The following DNAH7 variants were observed in gnomAD, a reference collection of about 807,000 sequenced individuals.
DNAH7 encodes the protein axonemal beta dynein heavy chain 7.
Under a neutral mutation model 444.6 loss-of-function variants are expected in DNAH7, and 397 were observed. The ratio of observed to expected loss-of-function variants is 0.89; its 90% confidence interval spans 0.82 to 0.97. DNAH7 has a LOEUF of 0.97. Among genes scored for constraint, DNAH7 ranks in the 50% least tolerant of loss-of-function variants. DNAH7 has a pLI of 0.00. For missense variants in DNAH7, 4,902 were observed against 4,800.8 expected, an observed-to-expected ratio of 1.02 and a Z score of -0.62; for synonymous variants, 1,636 against 1,624.4, an observed-to-expected ratio of 1.01 and a Z score of -0.17.
chr2:195,976,841 G>T lies in DNAH7; in HGVS notation c.1834-4375C>A, dbSNP rs117070880. ...GGAAGAGAATAAGAGTCTCTGCCTG[G>T]TAATCAAGACAAGTCTTCCAGATTA... On this transcript the variant is annotated intron_variant, in intron 15 of 64. Coordinates refer to ENST00000312428, the MANE Select transcript of DNAH7 (RefSeq NM_018897.3). Among the ~76,000 whole-genome samples, 120 of 148,694 alleles carry T rather than the reference G, an allele frequency of 8.1e-4. 11 individuals carry two copies. The East Asian group carries it at 0.024, about 30-fold the overall frequency.
intron 57 of DNAH7, among the ~76,000 whole-genome samples, chr2:195,789,502 T>G (rs1339227361): frequency 1.3e-5 from 2 of 151,928 alleles, no homozygotes; most frequent in African/African-American, 4.8e-5. Context: ...TAATTCTGGG[T>G]TGGGGCTGGA....
At chr2:196,019,827 T>A (rs1199931929) in intron 8 of DNAH7, among the ~76,000 whole-genome samples, 1 of 152,238 alleles carries the variant, frequency 6.6e-6, no homozygotes, top group Non-Finnish European at 1.5e-5. Context: ...AAGACACATT[T>A]ACAGTTAACC....
intron 64 of DNAH7, among the ~76,000 whole-genome samples, 143 bp downstream of exon 64, chr2:195,740,613 GTGTATATATA>G (rs375969081): frequency 0.051 from 3,568 of 69,968 alleles, 77 homozygotes; most frequent in South Asian, 0.13. Context: ...GTGTGTGTGT[GTGTATATATA>G]TATATATATA....
chr2:195,910,632 G>T (rs370853664), intron 24 of DNAH7, among the ~76,000 whole-genome samples: 1 of 152,088 alleles, frequency 6.6e-6, no homozygotes, highest in Non-Finnish European at 1.5e-5. Context: ...AGATTGTTTC[G>T]GGATCAGTAT....
At chr2:195,840,305 A>G (rs2124987293) in intron 47 of DNAH7, among the ~76,000 whole-genome samples, 1 of 151,836 alleles carries the variant, frequency 6.6e-6, no homozygotes, top group South Asian at 2.1e-4. Flanking sequence ...AAAATTTAAC[A>G]TCCATTAATG....
chr2:195,876,785 C>T, intron 36 of DNAH7, 86 bp from the exon 37 acceptor site: 1 of 917,058 alleles, frequency 1.1e-6, no homozygotes, highest in Non-Finnish European at 1.6e-6. Context: ...TACTGATAGA[C>T]TCGAATTTAA....
intron 5 of DNAH7, among the ~76,000 whole-genome samples, chr2:196,046,894 T>C (rs1285575217): frequency 6.6e-6 from 1 of 152,186 alleles, no homozygotes; most frequent in Non-Finnish European, 1.5e-5. Context: ...AGCTGGTGAC[T>C]TGCATCTGCC....
chr2:195,828,610 ATTTT>A lies in DNAH7; in HGVS notation c.9101-4169_9101-4166del, dbSNP rs35765183. On this transcript the variant is annotated intron_variant, in intron 48 of 64. Coordinates refer to ENST00000312428, the MANE Select transcript of DNAH7 (RefSeq NM_018897.3). Reference sequence around the variant, plus strand: ...AAAAATAACATATATATATATATATATTTTTTTTTTTTTTTTCTATTGCATATTT... The same window carrying A: ...AAAAATAACATATATATATATATATATTTTTTTTTTTTCTATTGCATATTT... Among the ~76,000 whole-genome samples the A allele has an allele frequency of 1.1e-3, 142 of 135,098 alleles. 1 individual carries two copies. Among genetic ancestry groups the A allele is most frequent in the African/African-American group, 3.4e-3 (123 of 35,898 alleles). The allele number at this position is 135,098 out of a possible 152,430, so 88.6% of individuals were successfully genotyped here. A position where few individuals can be genotyped will look rare whatever the true frequency, so the allele number is the denominator to read the frequency against.
rs780740522 is a variant in DNAH7, at chr2:195,910,125, C to G, written c.4006G>C (p.Glu1336Gln). ...GCTTTTGCCAAATCCTTGGTAGTTT[C>G]AGTCTTCCCAGTGCCAGCTGGACCC... ...PEGPAGTGKTETTKDLAKAVA... is the reference protein window; with the variant it reads ...PEGPAGTGKTQTTKDLAKAVA... Residue 1336 changes from glutamate to glutamine, a missense_variant, in exon 25 of 65, where the codon GAA becomes CAA. Transcript: ENST00000312428. 3 of 1,613,836 alleles carry G rather than the reference C, an allele frequency of 1.9e-6. No homozygotes were observed. The East Asian group carries it at 6.7e-5, about 36-fold the overall frequency.
At chr2:195,758,600 C>T (rs1293361244) in intron 61 of DNAH7, among the ~76,000 whole-genome samples, 1 of 152,174 alleles carries the variant, frequency 6.6e-6, no homozygotes, top group African/African-American at 2.4e-5. Context: ...TGAATGACCA[C>T]AGTACCCAGT....
chr2:195,861,975 T>TA, intron 41 of DNAH7, 29 bp from the exon 42 acceptor site: 2 of 1,552,578 alleles, frequency 1.3e-6, no homozygotes, highest in Non-Finnish European at 1.8e-6. Context: ...CTTTAGCATT[T>TA]TATTAAGATT....
intron 55 of DNAH7, among the ~76,000 whole-genome samples, chr2:195,797,322 G>T (rs1167043533): frequency 6.6e-6 from 1 of 152,150 alleles, no homozygotes; most frequent in Non-Finnish European, 1.5e-5. Flanking sequence ...TCACTAGACT[G>T]CCCCTTTAGA....
intron 17 of DNAH7, among the ~76,000 whole-genome samples, chr2:195,969,175 G>C (rs1025591655): frequency 4.6e-5 from 7 of 152,184 alleles, no homozygotes; most frequent in African/African-American, 9.7e-5. Context: ...TGTGGGTGGT[G>C]GGGGGAGCAA....
At chr2:195,936,917 A>G in intron 19 of DNAH7, 125 bp from the exon 20 acceptor site, 2 of 832,666 alleles carry the variant, frequency 2.4e-6, no homozygotes, top group Non-Finnish European at 3.4e-6. Flanking sequence ...TAAGGGGAGT[A>G]TTTGTTTTTT....
At chr2:195,817,022 A>G in intron 50 of DNAH7, 59 bp from the exon 51 acceptor site, 2 of 1,260,202 alleles carry the variant, frequency 1.6e-6, no homozygotes, top group Non-Finnish European at 1.1e-6. Flanking sequence ...CATTTCACGT[A>G]TATGTTCTTT....
chr2:195,778,589 A>G (rs1476699865), intron 58 of DNAH7, among the ~76,000 whole-genome samples: 2 of 136,538 alleles, frequency 1.5e-5, no homozygotes, highest in Non-Finnish European at 3.1e-5. Flanking sequence ...ACTACTCTCC[A>G]GCCTGGGTGA....
At chr2:195,911,132 C>T (rs1380551250) in intron 24 of DNAH7, among the ~76,000 whole-genome samples, 1 of 152,150 alleles carries the variant, frequency 6.6e-6, no homozygotes, top group East Asian at 1.9e-4. Context: ...GTCAGCCTTG[C>T]TGTGGCAAAA....
chr2:196,050,475 G>T (rs1697395934), intron 3 of DNAH7, among the ~76,000 whole-genome samples: 1 of 151,908 alleles, frequency 6.6e-6, no homozygotes, highest in Non-Finnish European at 1.5e-5. Context: ...ACTTAAAAAT[G>T]GTTAAAATGG....
chr2:196,058,262 AC>A, intron 1 of DNAH7, 146 bp from the exon 2 acceptor site: 1 of 493,034 alleles, frequency 2.0e-6, no homozygotes, highest in East Asian at 3.3e-5. Flanking sequence ...GATCTTATAT[AC>A]TGAAAATCTT....
Sources: gnomAD v4.1 joint callset for allele counts (sites outside exome capture counted in the v4.1 genomes callset) on GRCh38, gnomAD v4.1.1 for gene constraint, MANE v1.5 for transcripts, NCBI Gene and HGNC (gene_info 2026-07-23, HGNC 2026-07-21) for gene names.